The following SHROOM2 variants were observed in gnomAD, a reference collection of about 807,000 sequenced individuals.
The protein encoded by SHROOM2 is protein Shroom2.
A neutral mutation model predicts 75.9 loss-of-function variants in SHROOM2; 33 were observed. The ratio of observed to expected loss-of-function variants is 0.43; its 90% confidence interval spans 0.33 to 0.58. The LOEUF is 0.58. Ranked by LOEUF, SHROOM2 falls within the 20% of genes least tolerant of loss-of-function variation. The pLI is 0.04. For synonymous variants in SHROOM2, 655 were observed against 663.6 expected (o/e 0.99, Z 0.20); for missense variants, 1,434 against 1,461.2 (o/e 0.98, Z 0.30).
In SHROOM2 at chrX:9,904,690, C is replaced by T. The variant is rs188762445; in HGVS notation, c.2891+6400C>T. Reference sequence around the variant, plus strand: ...CGACCTTGGCTGCGTTCGCATGTTACGGGATCCTTTGGGGCTTTCACCTTT... The same window carrying T: ...CGACCTTGGCTGCGTTCGCATGTTATGGGATCCTTTGGGGCTTTCACCTTT... On this transcript the variant is annotated intron_variant, in intron 5 of 9. Coordinates refer to ENST00000380913, the MANE Select transcript of SHROOM2 (RefSeq NM_001649.4). Among the ~76,000 whole-genome samples the T allele has an allele frequency of 9.8e-5, 11 of 112,443 alleles. No homozygotes were observed. In the East Asian group the frequency reaches 3.1e-3, roughly 32 times the overall value.
intron 1 of SHROOM2, among the ~76,000 whole-genome samples, chrX:9,834,462 G>A (rs1390172121): frequency 8.9e-6 from 1 of 111,796 alleles, no homozygotes; most frequent in East Asian, 2.8e-4. Flanking sequence ...TCCAAAACAG[G>A]GAGCAGAGCT....
chrX:9,825,894 A>C (rs1218591756), intron 1 of SHROOM2, among the ~76,000 whole-genome samples: 1 of 112,088 alleles, frequency 8.9e-6, no homozygotes, highest in Non-Finnish European at 1.9e-5. Flanking sequence ...AAGCCAGTGG[A>C]TCTGTAGCCT....
chrX:9,924,143 A>C (rs928542571), intron 5 of SHROOM2, among the ~76,000 whole-genome samples: 1 of 112,205 alleles, frequency 8.9e-6, no homozygotes, highest in African/African-American at 3.2e-5. Flanking sequence ...AGGATGGTTC[A>C]GGGCTGTTGT....
intron 8 of SHROOM2, among the ~76,000 whole-genome samples, chrX:9,940,972 AG>A (rs760940755): frequency 2.7e-5 from 3 of 111,950 alleles, no homozygotes; most frequent in South Asian, 7.4e-4. Flanking sequence ...GGGAGGCAGC[AG>A]GGGGCTCTGG....
At chrX:9,874,411 A>G (rs905059294) in intron 2 of SHROOM2, among the ~76,000 whole-genome samples, 2 of 112,157 alleles carry the variant, frequency 1.8e-5, no homozygotes, top group African/African-American at 6.5e-5. Context: ...TTTCAAAGAG[A>G]AATAACTCTC....
chrX:9,802,337 G>A (rs2083728103), intron 1 of SHROOM2, among the ~76,000 whole-genome samples: 1 of 112,242 alleles, frequency 8.9e-6, no homozygotes, highest in Non-Finnish European at 1.9e-5. Context: ...CCCCATACCT[G>A]CTGAATCAGA....
chrX:9,795,097 T>TTTCC (rs1555920335), intron 1 of SHROOM2, among the ~76,000 whole-genome samples: 6 of 99,591 alleles, frequency 6.0e-5, no homozygotes, highest in African/African-American at 1.5e-4. Context: ...TCATTTTTCT[T>TTTCC]TTTCTTTCTT....
At chrX:9,817,282 C>CTT (rs55943624) in intron 1 of SHROOM2, among the ~76,000 whole-genome samples, 9 of 98,731 alleles carry the variant, frequency 9.1e-5, no homozygotes, top group African/African-American at 3.3e-4. Flanking sequence ...CTCCCTCTAA[C>CTT]TTTTTTTTTT....
chrX:9,793,634 A>G (rs1438351824), intron 1 of SHROOM2, among the ~76,000 whole-genome samples: 2 of 109,598 alleles, frequency 1.8e-5, no homozygotes, highest in Non-Finnish European at 3.8e-5. Flanking sequence ...TCCCCCAACT[A>G]CTCAGGCACA....
chrX:9,937,218 G>T lies in SHROOM2; in HGVS notation c.3672G>T (p.Glu1224Asp), dbSNP rs750332111. Reference protein sequence around the residue: ...IVHSESQPEKESRQSLACPAE... With the variant: ...IVHSESQPEKDSRQSLACPAE... ...ACTCGGAGAGCCAGCCAGAGAAGGA[G>T]AGCCGCCAGAGCCTGGCATGCCCCG... The change falls in exon 7 of 10, where the codon GAG becomes GAT. Residue 1224 changes from glutamate to aspartate, a missense_variant. Coordinates refer to ENST00000380913, the MANE Select transcript of SHROOM2 (RefSeq NM_001649.4). 8.3e-7 allele frequency: 1 copy of T among 1,203,842 alleles called. No individual in the cohort carries two copies. Among genetic ancestry groups the T allele is most frequent in the South Asian group, 1.8e-5 (1 of 55,636 alleles).
chrX:9,830,941 G>A (rs1046786824), intron 1 of SHROOM2, among the ~76,000 whole-genome samples: 3 of 111,956 alleles, frequency 2.7e-5, no homozygotes, highest in Non-Finnish European at 5.6e-5. Context: ...TTAACACCAT[G>A]TGTTGAATGC....
At chrX:9,821,737 C>T (rs1053705761) in intron 1 of SHROOM2, among the ~76,000 whole-genome samples, 4 of 111,829 alleles carry the variant, frequency 3.6e-5, no homozygotes, top group Non-Finnish European at 7.5e-5. Flanking sequence ...GCTTCAAATG[C>T]TTGAATATGC....
chrX:9,946,832 G>A lies in SHROOM2; in HGVS notation c.4746G>A (p.Lys1582=), dbSNP rs1439593500. The A allele has an allele frequency of 8.3e-7, 1 of 1,201,365 alleles. No individual in the cohort carries two copies. Reference sequence around the variant, plus strand: ...ACTATGAGCACTTCGTGAAGATGAAGTCGGCCCTCATCATCGAGCAGCGGG... The same window carrying A: ...ACTATGAGCACTTCGTGAAGATGAAATCGGCCCTCATCATCGAGCAGCGGG... ...LADYEHFVKM[K]SALIIEQREL... Residue 1582 remains lysine (K), a synonymous_variant, in exon 10 of 10, where the codon AAG becomes AAA. Coordinates refer to ENST00000380913, the MANE Select transcript of SHROOM2 (RefSeq NM_001649.4).
At position 9,944,713 on chromosome X, in the gene SHROOM2, G is replaced by A. The variant is rs774546080; in HGVS notation, c.4384G>A (p.Val1462Met). Residue 1462 changes from valine (V) to methionine (M), a missense_variant, in exon 9 of 10, where the codon GTG becomes ATG. Physicochemically the swap from Val to Met is conservative, Grantham distance 21. This residue lies in a region of SHROOM2 where 1,340 missense variants were observed against 1,338.3 expected (regional missense o/e 1.00). Transcript: ENST00000380913. ...GGCCCGCGAGAGCCTGCTGGAGGAC[G>A]TGCAGGCCAACACCGTGCTGGGGGC... The part of the protein sequence containing the change: ...REARESLLED[V>M]QANTVLGAEV... 9 of 1,210,127 alleles carry A rather than the reference G, an allele frequency of 7.4e-6. No homozygotes were observed. Among genetic ancestry groups the A allele is most frequent in the South Asian group, 1.8e-5 (1 of 56,803 alleles).
At chrX:9,928,738 C>T (rs2147050166) in intron 5 of SHROOM2, among the ~76,000 whole-genome samples, 1 of 111,237 alleles carries the variant, frequency 9.0e-6, no homozygotes, top group Non-Finnish European at 1.9e-5. Context: ...TACACACATA[C>T]ACAACCCAGG....
At chrX:9,855,295 TAAAAAAAAAAA>T (rs57235424) in intron 1 of SHROOM2, among the ~76,000 whole-genome samples, 2 of 39,300 alleles carry the variant, frequency 5.1e-5, no homozygotes, top group Non-Finnish European at 8.9e-5. Context: ...TAAAGTATAG[TAAAAAAAAAAA>T]AAAAAAAAAA....
chrX:9,910,707 C>T (rs1454523455), intron 5 of SHROOM2, among the ~76,000 whole-genome samples: 1 of 110,063 alleles, frequency 9.1e-6, no homozygotes, highest in African/African-American at 3.3e-5. Context: ...ATCTCAGCTA[C>T]TCGGGAGGCT....
At chrX:9,797,970 A>G (rs772951435) in intron 1 of SHROOM2, among the ~76,000 whole-genome samples, 15 of 111,866 alleles carry the variant, frequency 1.3e-4, no homozygotes, top group South Asian at 7.5e-4. Context: ...CAGATTAATT[A>G]ATTATAGTTC....
At chrX:9,810,965 C>A (rs1224123214) in intron 1 of SHROOM2, among the ~76,000 whole-genome samples, 1 of 103,308 alleles carries the variant, frequency 9.7e-6, no homozygotes, top group African/African-American at 4.4e-5. Flanking sequence ...GAAATGAGTG[C>A]CTTAGAGGCG....
Sources: allele counts gnomAD v4.1 joint callset (sites outside exome capture counted in the v4.1 genomes callset), GRCh38; gene constraint gnomAD v4.1.1; regional missense constraint gnomAD v4.1.1; transcripts MANE v1.5; gene names NCBI Gene and HGNC (gene_info 2026-07-23, HGNC 2026-07-21).